The following MYO3A variants were observed in gnomAD, a reference collection of about 807,000 sequenced individuals.
MYO3A encodes myosin-IIIa.
In MYO3A, 180 loss-of-function variants were observed where a neutral mutation model predicts 192.7. The observed-to-expected ratio is 0.93, with a 90% CI of 0.83 to 1.06. The LOEUF (loss-of-function observed/expected upper bound fraction) is 1.06. Among genes scored for constraint, MYO3A ranks in the 50% least tolerant of loss-of-function variants. The pLI, the probability that MYO3A is intolerant of heterozygous loss-of-function variation, is 0.00. For missense variants in MYO3A, 1,896 were observed against 1,905.0 expected (o/e 1.00, Z 0.09); for synonymous variants, 628 against 645.3 (o/e 0.97, Z 0.41).
intron 27 of MYO3A, 124 bp from the exon 28 acceptor site, chr10:26,168,588 A>T (rs993272383): frequency 2.0e-6 from 2 of 976,850 alleles, no homozygotes; most frequent in East Asian, 5.2e-5. Flanking sequence ...AGGGCAAAGA[A>T]GCAAAAGACA....
chr10:26,021,537 A>G lies in MYO3A; in HGVS notation c.620A>G (p.Tyr207Cys). The change falls in exon 8 of 35, where the codon TAT becomes TGT. Residue 207 changes from tyrosine to cysteine, a missense_variant. Transcript: ENST00000642920. ...TGTGAACAGCAATTGGATACCACTT[A>G]TGACGCCAGATGTGACACTTGGTCC... ...IACEQQLDTT[Y>C]DARCDTWSLG... 1.2e-6 allele frequency: 2 copies of G among 1,614,154 alleles called. No homozygotes were observed. The highest frequency in any genetic ancestry group is 1.7e-6 in the Non-Finnish European group (2 of 1,179,982).
At chr10:26,077,233 GTTTTTTT>G (rs34464120) in intron 14 of MYO3A, among the ~76,000 whole-genome samples, 6 of 36,296 alleles carry the variant, frequency 1.7e-4, no homozygotes, top group African/African-American at 3.9e-4. Context: ...TATTCCTAAG[GTTTTTTT>G]TTTTTTTTTT....
At chr10:26,095,601 G>T (rs967180024) in intron 15 of MYO3A, among the ~76,000 whole-genome samples, 1 of 152,164 alleles carries the variant, frequency 6.6e-6, no homozygotes. Flanking sequence ...ACAGCAGAAG[G>T]AAGACATGAG....
At chr10:26,017,068 A>G (rs971287795) in intron 7 of MYO3A, among the ~76,000 whole-genome samples, 172 bp downstream of exon 7, 13 of 152,226 alleles carry the variant, frequency 8.5e-5, no homozygotes, top group East Asian at 1.9e-4. Context: ...GAGGTGGTCA[A>G]TAAATGGGCT....
intron 10 of MYO3A, among the ~76,000 whole-genome samples, chr10:26,038,389 T>C (rs1843151932): frequency 6.6e-6 from 1 of 152,222 alleles, no homozygotes; most frequent in Non-Finnish European, 1.5e-5. Flanking sequence ...GGATCAGTTA[T>C]GTAGTTTTCA....
intron 4 of MYO3A, among the ~76,000 whole-genome samples, chr10:25,973,166 G>A (rs1317449528): frequency 6.6e-6 from 1 of 152,062 alleles, no homozygotes; most frequent in Admixed American, 6.5e-5. Context: ...CTTGAGCAGT[G>A]GTTTATAGTT....
chr10:26,066,222 T>C (rs1405786008), intron 10 of MYO3A, among the ~76,000 whole-genome samples: 1 of 152,128 alleles, frequency 6.6e-6, no homozygotes, highest in Non-Finnish European at 1.5e-5. Flanking sequence ...CCATTACAGT[T>C]TTCTGAGTAA....
At chr10:26,178,922 CT>C (rs1842468384) in intron 31 of MYO3A, among the ~76,000 whole-genome samples, 2 of 151,836 alleles carry the variant, frequency 1.3e-5, no homozygotes, top group South Asian at 4.2e-4. Flanking sequence ...CTGCCTCAGC[CT>C]CCCTAGTAGC....
intron 10 of MYO3A, among the ~76,000 whole-genome samples, chr10:26,053,230 G>A (rs1229763741): frequency 6.6e-6 from 1 of 152,068 alleles, no homozygotes; most frequent in Non-Finnish European, 1.5e-5. Flanking sequence ...ACATTGAAAA[G>A]TACATATATT....
intron 2 of MYO3A, among the ~76,000 whole-genome samples, chr10:25,944,382 G>A (rs1231260980): frequency 6.6e-6 from 1 of 151,984 alleles, no homozygotes; most frequent in South Asian, 2.1e-4. Context: ...CCATTGTCTG[G>A]TTTTGGTGTC....
chr10:26,100,141 G>T (rs1011615149), intron 17 of MYO3A, among the ~76,000 whole-genome samples: 1 of 152,168 alleles, frequency 6.6e-6, no homozygotes, highest in Non-Finnish European at 1.5e-5. Context: ...TCTTGGGAGG[G>T]TGTATGTGTC....
rs185270129 is a variant in MYO3A, at chr10:26,020,977, C to T, written c.586-526C>T. ...AGTTTTCTTTTATTAGTGGCTTAAACCTTTTGCATTCCTCCAAACTTGTCT... is the reference window on the plus strand; with the variant it reads ...AGTTTTCTTTTATTAGTGGCTTAAATCTTTTGCATTCCTCCAAACTTGTCT... On this transcript the variant is annotated intron_variant, in intron 7 of 34. Transcript: ENST00000642920. Among the ~76,000 whole-genome samples, 229 of 152,288 alleles carry T rather than the reference C, an allele frequency of 1.5e-3. 2 individuals carry two copies. Among genetic ancestry groups the T allele is most frequent in the African/African-American group, 5.3e-3 (221 of 41,556 alleles).
At position 26,109,973 on chromosome 10, in the gene MYO3A, A is replaced by G. The variant is rs1340278296; in HGVS notation, c.1777-10703A>G. ...GGAGTTATTGCAATGAGTTCCCCCA[A>G]AGAGTTCTGATTTTACCAGAACATT... On this transcript the variant is annotated intron_variant, in intron 17 of 34. Transcript: ENST00000642920. 3.3e-5 allele frequency among the ~76,000 whole-genome samples: 5 copies of G among 152,158 alleles called. No individual in the cohort carries two copies. In the South Asian group the frequency reaches 1.0e-3, roughly 32 times the overall value.
intron 14 of MYO3A, among the ~76,000 whole-genome samples, chr10:26,085,218 TC>T (rs371909865): frequency 1.2e-3 from 182 of 152,194 alleles, no homozygotes; most frequent in African/African-American, 4.3e-3. Context: ...TTTTATTGAT[TC>T]TTTTTATAGT....
chr10:26,128,271 C>T, intron 19 of MYO3A, 120 bp from the exon 20 acceptor site: 1 of 1,004,302 alleles, frequency 1.0e-6, no homozygotes. Context: ...AAGTTTCACT[C>T]TAAGTGTATG....
intron 4 of MYO3A, among the ~76,000 whole-genome samples, chr10:25,959,823 G>GTC (rs1340050080): frequency 3.9e-5 from 6 of 152,014 alleles, no homozygotes; most frequent in African/African-American, 1.4e-4. Context: ...GTGTGTGTGT[G>GTC]TGTGTCTGTG....
chr10:26,013,479 A>G (rs555432692), intron 6 of MYO3A, among the ~76,000 whole-genome samples: 1 of 151,354 alleles, frequency 6.6e-6, no homozygotes, highest in South Asian at 2.1e-4. Flanking sequence ...CATTTCTCAA[A>G]AGAAAATATA....
intron 4 of MYO3A, among the ~76,000 whole-genome samples, chr10:25,979,767 T>G (rs191842149): frequency 7.9e-5 from 12 of 152,306 alleles, no homozygotes; most frequent in African/African-American, 2.6e-4. Flanking sequence ...ACTGTTGACA[T>G]TGTGGCTTGG....
intron 32 of MYO3A, among the ~76,000 whole-genome samples, chr10:26,200,061 G>A (rs1308208820): frequency 6.6e-6 from 1 of 152,168 alleles, no homozygotes; most frequent in Non-Finnish European, 1.5e-5. Flanking sequence ...GATCAAGAAT[G>A]TGAAGTGACA....
Sources: allele counts gnomAD v4.1 joint callset (sites outside exome capture counted in the v4.1 genomes callset), GRCh38; gene constraint gnomAD v4.1.1; transcripts MANE v1.5; gene names NCBI Gene and HGNC (gene_info 2026-07-23, HGNC 2026-07-21).